The following SWT1 variants were observed in gnomAD, a reference collection of about 807,000 sequenced individuals.
SWT1 encodes transcriptional protein SWT1.
SWT1 carries 33 observed loss-of-function variants against 107.3 expected under a neutral mutation model. The ratio of observed to expected loss-of-function variants is 0.31; its 90% confidence interval spans 0.23 to 0.41. The LOEUF is 0.41. Ranked by LOEUF, SWT1 falls within the 10% of genes least tolerant of loss-of-function variation. SWT1 has a pLI of 1.00. For synonymous variants in SWT1, 345 were observed against 348.3 expected (o/e 0.99, Z 0.11); for missense variants, 898 against 1,028.9 (o/e 0.87, Z 1.74).
intron 16 of SWT1, among the ~76,000 whole-genome samples, chr1:185,236,944 A>G (rs1161280293): frequency 2.0e-5 from 3 of 152,272 alleles, no homozygotes; most frequent in African/African-American, 7.2e-5. Context: ...TATGCAGCCA[A>G]CAAACATGAA....
intron 16 of SWT1, among the ~76,000 whole-genome samples, chr1:185,254,733 C>T (rs1401020722): frequency 2.6e-5 from 4 of 151,344 alleles, no homozygotes; most frequent in Non-Finnish European, 4.4e-5. Flanking sequence ...AAAACCAGCT[C>T]CTGGATTCAT....
At chr1:185,166,139 T>G (rs1486654832) in intron 2 of SWT1, among the ~76,000 whole-genome samples, 3 of 152,268 alleles carry the variant, frequency 2.0e-5, no homozygotes, top group African/African-American at 7.2e-5. Context: ...ACTGTTATTA[T>G]TTTTTCATTC....
intron 18 of SWT1, 44 bp from the exon 19 acceptor site, chr1:185,290,629 CT>C (rs1665202292): frequency 1.4e-6 from 2 of 1,406,414 alleles, no homozygotes; most frequent in African/African-American, 2.9e-5. Flanking sequence ...TTTTATTTCT[CT>C]GACTAGCTGT....
At position 185,222,054 on chromosome 1, in the gene SWT1, A is replaced by T. The variant is rs557408155; in HGVS notation, c.2309+18A>T. Reference sequence around the variant, plus strand: ...CAGAACAGGTACTAAATTTGGGGGAATTTTTTTTTAGTTATTTTTTAAATT... The same window carrying T: ...CAGAACAGGTACTAAATTTGGGGGATTTTTTTTTTAGTTATTTTTTAAATT... On this transcript the variant is annotated intron_variant, in intron 15 of 18. Coordinates refer to ENST00000367500, the MANE Select transcript of SWT1 (RefSeq NM_017673.7). 6 of 1,439,488 alleles carry T rather than the reference A, an allele frequency of 4.2e-6. No homozygotes were observed. The highest frequency in any genetic ancestry group is 1.5e-5 in the South Asian group (1 of 65,884). 89.2% of individuals were successfully genotyped at this position (1,439,488 alleles called of 1,614,324 possible). A position where few individuals can be genotyped will look rare whatever the true frequency, so the allele number is the denominator to read the frequency against.
At chr1:185,249,279 T>C (rs190644236) in intron 16 of SWT1, among the ~76,000 whole-genome samples, 12 of 152,244 alleles carry the variant, frequency 7.9e-5, no homozygotes, top group African/African-American at 2.4e-4. Flanking sequence ...AGAAATCATA[T>C]AGTGTCATTT....
Position 185,228,851 on chromosome 1 carries a change from G to A in SWT1, c.2310-2726G>A, listed in dbSNP as rs186263344. 9.2e-5 allele frequency among the ~76,000 whole-genome samples: 14 copies of A among 152,280 alleles called. No homozygotes were observed. In the East Asian group the frequency reaches 2.5e-3, roughly 27 times the overall value. Reference sequence around the variant, plus strand: ...GAGCATATAGTTATTTACAGGAAAAGCGTTTCAGATAGAAGAATAGAAATT... The same window carrying A: ...GAGCATATAGTTATTTACAGGAAAAACGTTTCAGATAGAAGAATAGAAATT... On this transcript the variant is annotated intron_variant, in intron 15 of 18. Transcript: ENST00000367500.
In SWT1 at chr1:185,188,933, C is replaced by G. The variant is rs145775110; in HGVS notation, c.1430-1616C>G. Among the ~76,000 whole-genome samples, 1,376 of 152,106 alleles carry G rather than the reference C, an allele frequency of 9.0e-3. 12 individuals are homozygous for G. Among genetic ancestry groups the G allele is most frequent in the Admixed American group, 0.013 (203 of 15,258 alleles). On this transcript the variant is annotated intron_variant, in intron 9 of 18. Transcript: ENST00000367500. ...AGGTAGTTTATGGACTTGTGGGAAA[C>G]ATTATCTTTGGTCCAATTTCTACAC... is the stretch of plus-strand genomic sequence containing the variant.
intron 8 of SWT1, 55 bp from the exon 9 acceptor site, chr1:185,184,688 A>G (rs1656304682): frequency 7.0e-7 from 1 of 1,430,820 alleles, no homozygotes; most frequent in East Asian, 2.4e-5. Context: ...CAGCAATTCC[A>G]TTTAGTAGCT....
intron 18 of SWT1, among the ~76,000 whole-genome samples, chr1:185,285,129 TCTG>T (rs1450621151): frequency 6.6e-6 from 1 of 152,300 alleles, no homozygotes; most frequent in East Asian, 1.9e-4. Context: ...TCAGTACTTT[TCTG>T]CTTCTAGCCC....
At chr1:185,206,360 T>C (rs1264332893) in intron 12 of SWT1, among the ~76,000 whole-genome samples, 1 of 152,194 alleles carries the variant, frequency 6.6e-6, no homozygotes, top group African/African-American at 2.4e-5. Flanking sequence ...CTGATAAAAC[T>C]ATGTTTCCTC....
intron 9 of SWT1, among the ~76,000 whole-genome samples, chr1:185,186,097 T>C (rs1656441664): frequency 6.6e-6 from 1 of 152,150 alleles, no homozygotes. Flanking sequence ...AGGAAATAAA[T>C]TCCACGTCAT....
At chr1:185,262,315 G>C (rs2102697351) in intron 16 of SWT1, 1 of 152,102 alleles carries the variant, frequency 6.6e-6, no homozygotes, top group East Asian at 1.9e-4. Context: ...GCTCCCTTTA[G>C]TACATTGTTA....
At chr1:185,170,629 G>A (rs1654967839) in intron 4 of SWT1, among the ~76,000 whole-genome samples, 1 of 152,160 alleles carries the variant, frequency 6.6e-6, no homozygotes, top group Non-Finnish European at 1.5e-5. Context: ...AAACCAAAGT[G>A]ACAGTTTGTT....
intron 15 of SWT1, among the ~76,000 whole-genome samples, chr1:185,222,385 G>A (rs939299109): frequency 1.3e-5 from 2 of 151,912 alleles, no homozygotes; most frequent in Non-Finnish European, 2.9e-5. Flanking sequence ...TCATATCTTG[G>A]CTATTGTAAT....
At chr1:185,160,499 G>C (rs1254668074) in intron 1 of SWT1, among the ~76,000 whole-genome samples, 1 of 152,020 alleles carries the variant, frequency 6.6e-6, no homozygotes, top group Admixed American at 6.6e-5. Flanking sequence ...TCAGGAGGTC[G>C]AGACCAGCCT....
chr1:185,281,217 T>G, intron 18 of SWT1: 1 of 225,966 alleles, frequency 4.4e-6, no homozygotes. Flanking sequence ...CTGCCCTAAC[T>G]CTTGTTTTGG....
At position 185,174,548 on chromosome 1, in the gene SWT1, A is replaced by T; in HGVS notation, c.401A>T (p.Asp134Val). 6.2e-7 allele frequency: 1 copy of T among 1,608,092 alleles called. No individual in the cohort carries two copies. The highest frequency in any genetic ancestry group is 8.5e-7 in the Non-Finnish European group (1 of 1,178,412). ...AAATGTGTAGACTTTAAACCTAAAG[A>T]TATCAAATTGACAAATGCTGGGAGC... ...IHKCVDFKPK[D>V]IKLTNAGSKL... The change falls in exon 5 of 19, where the codon GAT (aspartate) becomes GTT (valine). Residue 134 changes from aspartate (D) to valine (V), a missense_variant. Asp to Val is a radical substitution (Grantham distance 152). Transcript: ENST00000367500.
chr1:185,187,040 C>T (rs1656538958), intron 9 of SWT1, among the ~76,000 whole-genome samples: 1 of 144,064 alleles, frequency 6.9e-6, no homozygotes, highest in Non-Finnish European at 1.5e-5. Context: ...CAGGCGTGAG[C>T]CACCGCGCCC....
At chr1:185,244,643 C>T (rs978161261) in intron 16 of SWT1, among the ~76,000 whole-genome samples, 4 of 152,140 alleles carry the variant, frequency 2.6e-5, no homozygotes, top group Non-Finnish European at 5.9e-5. Flanking sequence ...AGACTATAAG[C>T]ACTGTACACT....
Sources: gnomAD v4.1 joint callset for allele counts (sites outside exome capture counted in the v4.1 genomes callset) on GRCh38, gnomAD v4.1.1 for gene constraint, MANE v1.5 for transcripts, NCBI Gene and HGNC (gene_info 2026-07-23, HGNC 2026-07-21) for gene names.